NCOR1: variants seen among roughly 807,000 people sequenced by gnomAD.
NCOR1 encodes protein phosphatase 1, regulatory subunit 109.
In NCOR1, 63 loss-of-function variants were observed where a neutral mutation model predicts 288.1. The observed-to-expected ratio is 0.22, with a 90% CI of 0.18 to 0.27. The LOEUF (loss-of-function observed/expected upper bound fraction) is 0.27. Ranked by LOEUF, NCOR1 falls within the 10% of genes least tolerant of loss-of-function variation. The probability of loss-of-function intolerance (pLI) is 1.00; values close to 1 mark genes in which losing one functional copy is unlikely to be tolerated. For missense variants in NCOR1, 2,397 were observed against 3,019.2 expected, an observed-to-expected ratio of 0.79 and a Z score of 4.83; for synonymous variants, 1,007 against 1,065.9, an observed-to-expected ratio of 0.94 and a Z score of 1.08.
At chr17:16,086,977 G>T (rs2064333849) in intron 22 of NCOR1, among the ~76,000 whole-genome samples, 1 of 152,204 alleles carries the variant, frequency 6.6e-6, no homozygotes, top group Admixed American at 6.5e-5. Flanking sequence ...CAGTATAAAT[G>T]TGTGAACACA....
At chr17:16,170,772 C>T (rs774865173) in intron 4 of NCOR1, among the ~76,000 whole-genome samples, 8 of 149,202 alleles carry the variant, frequency 5.4e-5, no homozygotes, top group Non-Finnish European at 1.2e-4. Flanking sequence ...ACCCGGGAGG[C>T]GGAGATTGCA....
intron 42 of NCOR1, chr17:16,040,803 T>C (rs2057418137): frequency 2.8e-6 from 1 of 353,180 alleles, no homozygotes; most frequent in Non-Finnish European, 5.3e-6. Flanking sequence ...GCTGAGGCGG[T>C]AGGACTGCTT....
intron 21 of NCOR1, among the ~76,000 whole-genome samples, chr17:16,095,311 A>AGGC (rs1363639831): frequency 6.9e-6 from 1 of 145,912 alleles, no homozygotes; most frequent in Non-Finnish European, 1.5e-5. Context: ...CTGAGAAGTG[A>AGGC]GGAGACCCTC....
At chr17:16,198,945 G>C (rs1032610150) in intron 1 of NCOR1, among the ~76,000 whole-genome samples, 2 of 151,758 alleles carry the variant, frequency 1.3e-5, no homozygotes, top group Admixed American at 1.3e-4. Flanking sequence ...TCTAACAGTG[G>C]CCTAAATGAT....
At chr17:16,054,128 C>A (rs985012515) in intron 40 of NCOR1, among the ~76,000 whole-genome samples, 1 of 147,400 alleles carries the variant, frequency 6.8e-6, no homozygotes, top group African/African-American at 2.5e-5. Context: ...TAGGAAATAC[C>A]TTTCAGGACA....
intron 2 of NCOR1, 69 bp from the exon 3 acceptor site, chr17:16,186,756 T>A: frequency 6.7e-7 from 1 of 1,485,570 alleles, no homozygotes; most frequent in East Asian, 2.3e-5. Context: ...TCAAAGCAAG[T>A]ATAAAGGTAG....
chr17:16,099,115 C>A (rs2152980370), intron 20 of NCOR1, among the ~76,000 whole-genome samples: 1 of 152,260 alleles, frequency 6.6e-6, no homozygotes, highest in South Asian at 2.1e-4. Flanking sequence ...ATCAGCACTC[C>A]CCAACAGCAG....
chr17:16,119,530 A>T (rs2072535110), intron 16 of NCOR1, 45 bp from the exon 17 acceptor site: 1 of 1,312,372 alleles, frequency 7.6e-7, no homozygotes, highest in East Asian at 2.3e-5. Flanking sequence ...AAACAAAGTT[A>T]AATCCTTTAT....
chr17:16,158,011 T>C (rs1321019879), intron 6 of NCOR1, among the ~76,000 whole-genome samples: 1 of 152,046 alleles, frequency 6.6e-6, no homozygotes, highest in Non-Finnish European at 1.5e-5. Flanking sequence ...TTTTGGTCTG[T>C]TGTCTAGACT....
chr17:16,099,961 TATAAA>T (rs1341602482), intron 20 of NCOR1, among the ~76,000 whole-genome samples: 5 of 152,188 alleles, frequency 3.3e-5, no homozygotes, highest in Non-Finnish European at 7.3e-5. Context: ...GTACATAAGA[TATAAA>T]ATATATTGGA....
At chr17:16,166,641 C>T (rs2082061962) in intron 4 of NCOR1, among the ~76,000 whole-genome samples, 1 of 151,784 alleles carries the variant, frequency 6.6e-6, no homozygotes, top group African/African-American at 2.4e-5. Context: ...GATTGCACTA[C>T]TGCATTCCAG....
chr17:16,040,201 T>C (rs1232006834), intron 43 of NCOR1: 1 of 617,334 alleles, frequency 1.6e-6, no homozygotes, highest in African/African-American at 1.8e-5. Flanking sequence ...TTCCCTAGTT[T>C]TGACAGTGTT....
chr17:16,175,374 T>A (rs577112787), intron 3 of NCOR1, among the ~76,000 whole-genome samples: 228 of 144,368 alleles, frequency 1.6e-3, no homozygotes, highest in South Asian at 6.2e-3. Context: ...ATTTGTCTTT[T>A]AAAAAAAAAA....
intron 5 of NCOR1, among the ~76,000 whole-genome samples, chr17:16,160,636 C>T (rs957051293): frequency 6.6e-6 from 1 of 152,054 alleles, no homozygotes; most frequent in Non-Finnish European, 1.5e-5. Context: ...ATTAAAGATA[C>T]AAAAAATTAG....
intron 19 of NCOR1, among the ~76,000 whole-genome samples, chr17:16,106,867 ATATATATATATATATATTTTT>A (rs2068765141): frequency 2.3e-5 from 1 of 43,968 alleles, no homozygotes; most frequent in African/African-American, 1.2e-4. Flanking sequence ...ATATATATAT[ATATATATATATATATATTTTT>A]TTTTTTTTTT....
intron 1 of NCOR1, among the ~76,000 whole-genome samples, chr17:16,206,569 A>G (rs2091533043): frequency 6.6e-6 from 1 of 152,102 alleles, no homozygotes; most frequent in African/African-American, 2.4e-5. Context: ...TATTTTTAGT[A>G]GAGATAGGGT....
chr17:16,058,169 A>G (rs1190221296), intron 38 of NCOR1, 105 bp from the exon 39 acceptor site: 2 of 1,279,088 alleles, frequency 1.6e-6, no homozygotes, highest in Non-Finnish European at 2.2e-6. Flanking sequence ...GATGTGGTAC[A>G]TAGCTCCAAA....
At chr17:16,090,247 T>C (rs1259987661) in intron 22 of NCOR1, among the ~76,000 whole-genome samples, 11 of 152,156 alleles carry the variant, frequency 7.2e-5, no homozygotes, top group Non-Finnish European at 1.6e-4. Flanking sequence ...AACAATGATG[T>C]TATGCCTTGT....
At position 16,058,229 on chromosome 17, in the gene NCOR1, A is replaced by T. The variant is rs1305148705; in HGVS notation, c.6011-165T>A. The T allele has an allele frequency of 3.4e-5, 31 of 924,194 alleles. 1 individual carries two copies. The East Asian group carries it at 8.3e-4, about 25-fold the overall frequency. 57.2% of individuals were successfully genotyped at this position (924,194 alleles called of 1,614,324 possible). A position where few individuals can be genotyped will look rare whatever the true frequency, so the allele number is the denominator to read the frequency against. On this transcript the variant is annotated intron_variant, in intron 38 of 45. Coordinates refer to ENST00000268712, the MANE Select transcript of NCOR1 (RefSeq NM_006311.4). ...GAAAAAAAAAATTATTCACTGAAGAAGTCTGAGGACTAGTGGAACAAAATA... is the reference window on the plus strand; with the variant it reads ...GAAAAAAAAAATTATTCACTGAAGATGTCTGAGGACTAGTGGAACAAAATA...
Sources: gnomAD v4.1 joint callset for allele counts (sites outside exome capture counted in the v4.1 genomes callset) on GRCh38, gnomAD v4.1.1 for gene constraint, MANE v1.5 for transcripts, NCBI Gene and HGNC (gene_info 2026-07-23, HGNC 2026-07-21) for gene names.